DLC1: variants seen among roughly 807,000 people sequenced by gnomAD.
The protein encoded by DLC1 is DLC1 Rho GTPase activating protein.
In DLC1, 54 loss-of-function variants were observed where a neutral mutation model predicts 140.3. The observed-to-expected ratio is 0.38, with a 90% CI of 0.31 to 0.48. DLC1 has a LOEUF of 0.48. Ranked by LOEUF, DLC1 falls within the 20% of genes least tolerant of loss-of-function variation. The pLI, the probability that DLC1 is intolerant of heterozygous loss-of-function variation, is 0.96. For synonymous variants in DLC1, 986 were observed against 728.1 expected, an observed-to-expected ratio of 1.35 and a Z score of -5.70; for missense variants, 2,536 against 1,907.0, an observed-to-expected ratio of 1.33 and a Z score of -6.14.
chr8:13,569,000 C>G (rs1804551372), intron 1 of DLC1, among the ~76,000 whole-genome samples: 1 of 152,160 alleles, frequency 6.6e-6, no homozygotes, highest in Non-Finnish European at 1.5e-5. Context: ...AACGCTTAAA[C>G]AAATTATCTA....
At chr8:13,226,111 G>T (rs1828787158) in intron 5 of DLC1, among the ~76,000 whole-genome samples, 1 of 152,030 alleles carries the variant, frequency 6.6e-6, no homozygotes, top group Non-Finnish European at 1.5e-5. Flanking sequence ...ATGAGATCTT[G>T]CTGTGTTGCC....
chr8:13,253,388 C>A (rs758920244), intron 5 of DLC1, among the ~76,000 whole-genome samples: 1 of 151,922 alleles, frequency 6.6e-6, no homozygotes, highest in African/African-American at 2.4e-5. Context: ...TTTAACATGG[C>A]TTCTTGTGTA....
At chr8:13,091,205 G>T (rs1057348757) in intron 14 of DLC1, 113 bp downstream of exon 14, 1 of 856,324 alleles carries the variant, frequency 1.2e-6, no homozygotes, top group Non-Finnish European at 1.9e-6. Context: ...TATTTATACC[G>T]TCTCCAGCTG....
intron 5 of DLC1, among the ~76,000 whole-genome samples, chr8:13,273,108 C>T (rs928264246): frequency 1.3e-5 from 2 of 152,128 alleles, no homozygotes; most frequent in Admixed American, 1.3e-4. Context: ...ATAGGTTTCA[C>T]AGGAATGATA....
At chr8:13,395,304 G>C (rs1836985624) in intron 3 of DLC1, among the ~76,000 whole-genome samples, 1 of 151,906 alleles carries the variant, frequency 6.6e-6, no homozygotes. Context: ...TGTATTTTTA[G>C]TAGAGACGGG....
chr8:13,241,500 G>A (rs963399750), intron 5 of DLC1, among the ~76,000 whole-genome samples: 2 of 152,176 alleles, frequency 1.3e-5, no homozygotes, highest in East Asian at 1.9e-4. Context: ...TTCTAGGTCA[G>A]GTTCAAAGGT....
intron 5 of DLC1, among the ~76,000 whole-genome samples, chr8:13,254,858 G>A (rs1830153344): frequency 6.6e-6 from 1 of 152,192 alleles, no homozygotes; most frequent in Admixed American, 6.5e-5. Context: ...ATACTCAGAA[G>A]GCACAATAGT....
intron 5 of DLC1, among the ~76,000 whole-genome samples, chr8:13,175,078 G>A (rs574460057): frequency 7.2e-5 from 11 of 152,200 alleles, no homozygotes; most frequent in African/African-American, 2.2e-4. Context: ...TTCTGCATAC[G>A]GCTAGCCAGT....
intron 1 of DLC1, among the ~76,000 whole-genome samples, chr8:13,526,540 C>A (rs1405725419): frequency 6.6e-6 from 1 of 151,958 alleles, no homozygotes; most frequent in Non-Finnish European, 1.5e-5. Context: ...ATCTCTAGTA[C>A]TTTATATTTT....
At chr8:13,588,800 TA>T (rs1805418699) in intron 1 of DLC1, among the ~76,000 whole-genome samples, 1 of 152,030 alleles carries the variant, frequency 6.6e-6, no homozygotes, top group East Asian at 1.9e-4. Flanking sequence ...AGGAGAAGCA[TA>T]GGGGCTGGGA....
At chr8:13,189,238 CGTTT>C (rs948051718) in intron 5 of DLC1, among the ~76,000 whole-genome samples, 2 of 152,096 alleles carry the variant, frequency 1.3e-5, no homozygotes, top group Admixed American at 6.6e-5. Context: ...AGATTCATTT[CGTTT>C]GTTTGTTTAT....
intron 4 of DLC1, among the ~76,000 whole-genome samples, chr8:13,379,503 GT>G (rs1299312443): frequency 6.6e-6 from 1 of 152,200 alleles, no homozygotes; most frequent in East Asian, 1.9e-4. Context: ...TATTTTGTAA[GT>G]GTCGAATATC....
chr8:13,271,039 A>G (rs1401332992), intron 5 of DLC1, among the ~76,000 whole-genome samples: 2 of 152,098 alleles, frequency 1.3e-5, no homozygotes. Context: ...TTGCAGGTCA[A>G]CTCTCTAAGC....
chr8:13,233,816 A>G (rs934068749), intron 5 of DLC1, among the ~76,000 whole-genome samples: 1 of 152,176 alleles, frequency 6.6e-6, no homozygotes, highest in Admixed American at 6.6e-5. Context: ...AATAAATACA[A>G]CCTTCATGTA....
intron 2 of DLC1, among the ~76,000 whole-genome samples, chr8:13,477,828 A>C (rs959735597): frequency 2.6e-5 from 4 of 151,918 alleles, no homozygotes; most frequent in South Asian, 4.2e-4. Flanking sequence ...TAACTAGGAA[A>C]GATCAACCAA....
chr8:13,367,717 TTC>T (rs1835550997), intron 4 of DLC1, among the ~76,000 whole-genome samples: 1 of 152,208 alleles, frequency 6.6e-6, no homozygotes, highest in East Asian at 1.9e-4. Flanking sequence ...CAGTTTATTC[TTC>T]TCTTTTGTGT....
intron 1 of DLC1, among the ~76,000 whole-genome samples, chr8:13,554,833 C>T (rs1803985376): frequency 6.6e-6 from 1 of 152,316 alleles, no homozygotes; most frequent in East Asian, 1.9e-4. Context: ...AAGATGTCTG[C>T]TCAAATATTC....
At position 13,305,292 on chromosome 8, in the gene DLC1, C is replaced by A. The variant is rs945160149; in HGVS notation, c.1325G>T (p.Gly442Val). Residue 442 changes from glycine to valine, a missense_variant, in exon 5 of 18, where the codon GGT (glycine) becomes GTT (valine). Gly to Val is a moderately radical substitution (Grantham distance 109). Transcript: ENST00000276297. ...ACCAGCCTTTTCCTTCTCTGAAATACCTTGAATAGCCTGAAAAAAAAGACA... is the reference window on the plus strand; with the variant it reads ...ACCAGCCTTTTCCTTCTCTGAAATAACTTGAATAGCCTGAAAAAAAAGACA... ...GTKPKTTAIQ[G>V]ISEKEKAEIE... 7 of 1,598,980 alleles carry A rather than the reference C, an allele frequency of 4.4e-6. No individual in the cohort carries two copies. Among genetic ancestry groups the A allele is most frequent in the Non-Finnish European group, 5.1e-6 (6 of 1,174,032 alleles).
At chr8:13,451,061 A>AAAAAAAAAAAAAAG (rs1563357501) in intron 2 of DLC1, among the ~76,000 whole-genome samples, 11 of 138,454 alleles carry the variant, frequency 7.9e-5, no homozygotes, top group Non-Finnish European at 1.4e-4. Flanking sequence ...AAAAAAAAAA[A>AAAAAAAAAAAAAAG]AAAAAAAGAA....
Sources: allele counts gnomAD v4.1 joint callset (sites outside exome capture counted in the v4.1 genomes callset), GRCh38; gene constraint gnomAD v4.1.1; transcripts MANE v1.5; gene names NCBI Gene and HGNC (gene_info 2026-07-23, HGNC 2026-07-21).